Variants in IL1R1 observed in about 807,000 individuals in gnomAD.
IL1R1 encodes the protein interleukin-1 receptor type 1.
Under a neutral mutation model 50.2 loss-of-function variants are expected in IL1R1, and 22 were observed. That is an observed-to-expected ratio of 0.44 (90% confidence interval 0.31 to 0.63). IL1R1 has a LOEUF of 0.63. Among genes scored for constraint, IL1R1 ranks in the 20% least tolerant of loss-of-function variants. The pLI is 0.07. For synonymous variants in IL1R1, 251 were observed against 236.7 expected, an observed-to-expected ratio of 1.06 and a Z score of -0.55; for missense variants, 509 against 676.2, an observed-to-expected ratio of 0.75 and a Z score of 2.74.
At position 102,178,666 on chromosome 2, in the gene IL1R1, G is replaced by T. The variant is rs200508603; in HGVS notation, c.*1907G>T. 6.6e-6 allele frequency: 1 copy of T among 152,356 alleles called. No homozygotes were observed. Among genetic ancestry groups the T allele is most frequent in the Middle Eastern group, 3.4e-3 (1 of 294 alleles). The allele number at this position is 152,356 out of a possible 1,614,324, so 9.4% of individuals were successfully genotyped here. A position where few individuals can be genotyped will look rare whatever the true frequency, so the allele number is the denominator to read the frequency against. ...CGAGTCTAGGAATGCTTTTATTCAAGACACCAAATTCCAAACTTCTAAATG... is the reference window on the plus strand; with the variant it reads ...CGAGTCTAGGAATGCTTTTATTCAATACACCAAATTCCAAACTTCTAAATG... On this transcript the variant is annotated 3_prime_UTR_variant, in exon 12 of 12. Transcript: ENST00000410023.
intron 10 of IL1R1, 141 bp downstream of exon 10, chr2:102,174,871 A>C: frequency 4.9e-6 from 3 of 616,584 alleles, no homozygotes; most frequent in Non-Finnish European, 8.1e-6. Context: ...TTATTCTTAC[A>C]CAGAATTATA....
At chr2:102,129,674 G>A (rs887155973) in intron 1 of IL1R1, among the ~76,000 whole-genome samples, 7 of 152,202 alleles carry the variant, frequency 4.6e-5, no homozygotes, top group Admixed American at 1.3e-4. Flanking sequence ...AGCTGTTGAC[G>A]AGGGTGCCCC....
intron 1 of IL1R1, among the ~76,000 whole-genome samples, chr2:102,112,317 T>A (rs913844374): frequency 1.4e-5 from 2 of 146,592 alleles, no homozygotes; most frequent in African/African-American, 2.5e-5. Flanking sequence ...TTAACGTGTG[T>A]GTGTGTGTGT....
chr2:102,084,940 C>T (rs1049324544), intron 1 of IL1R1, among the ~76,000 whole-genome samples: 4 of 152,280 alleles, frequency 2.6e-5, no homozygotes, highest in East Asian at 3.9e-4. Flanking sequence ...AAGAGTGTCC[C>T]GCAATTTCAT....
intron 10 of IL1R1, among the ~76,000 whole-genome samples, chr2:102,174,934 C>T (rs770999116): frequency 3.3e-5 from 5 of 152,128 alleles, no homozygotes; most frequent in Non-Finnish European, 5.9e-5. Context: ...CCTGCCTCAA[C>T]ATTCATATTG....
chr2:102,176,716 C>T lies in IL1R1; in HGVS notation c.1667C>T (p.Thr556Ile). ...AAACACCAGTTACTGTCACCAGCCA[C>T]TAAGGAGAAACTGCAAAGAGAGGCT... ...SSKHQLLSPA[T>I]KEKLQREAHV... Residue 556 changes from threonine to isoleucine, a missense_variant, in exon 12 of 12, where the codon ACT (threonine) becomes ATT (isoleucine). Transcript: ENST00000410023. 2.5e-6 allele frequency: 4 copies of T among 1,614,166 alleles called. No individual in the cohort carries two copies. The highest frequency in any genetic ancestry group is 3.4e-6 in the Non-Finnish European group (4 of 1,180,040).
chr2:102,172,424 A>G (rs1685769796), intron 8 of IL1R1: 4 of 985,118 alleles, frequency 4.1e-6, no homozygotes, highest in South Asian at 4.7e-5. Context: ...GGAGAACACA[A>G]TGCATTTGTC....
intron 1 of IL1R1, among the ~76,000 whole-genome samples, chr2:102,105,451 G>A (rs1284686895): frequency 2.0e-5 from 3 of 152,056 alleles, no homozygotes; most frequent in Non-Finnish European, 2.9e-5. Context: ...TGCAACCTCC[G>A]CCTCCCAGGT....
intron 1 of IL1R1, among the ~76,000 whole-genome samples, chr2:102,097,044 G>T (rs779225637): frequency 8.5e-5 from 13 of 152,128 alleles, no homozygotes; most frequent in Admixed American, 2.6e-4. Context: ...TTACAATGAA[G>T]TTGCAAAGCT....
upstream of IL1R1, among the ~76,000 whole-genome samples, chr2:102,103,185 A>G (rs1268822000): frequency 6.6e-6 from 1 of 152,258 alleles, no homozygotes; most frequent in African/African-American, 2.4e-5. Flanking sequence ...TATATAATTT[A>G]AATTTCCTTG....
chr2:102,120,326 GTGTT>G (rs1304466223), intron 1 of IL1R1, among the ~76,000 whole-genome samples: 1 of 152,064 alleles, frequency 6.6e-6, no homozygotes, highest in Admixed American at 6.6e-5. Context: ...GTGAATGTAC[GTGTT>G]TGTTGTGTGT....
intron 1 of IL1R1, among the ~76,000 whole-genome samples, chr2:102,076,180 CTTTTT>C (rs66517619): frequency 8.7e-6 from 1 of 115,084 alleles, no homozygotes. Context: ...GCTTCGTATT[CTTTTT>C]TTTTTTTTTT....
chr2:102,140,816 T>A (rs1682604547), upstream of IL1R1, among the ~76,000 whole-genome samples: 1 of 152,120 alleles, frequency 6.6e-6, no homozygotes, highest in Non-Finnish European at 1.5e-5. Flanking sequence ...AGGTCCCAGA[T>A]AGAACAGTGG....
chr2:102,135,077 T>G (rs1028485807), intron 1 of IL1R1, among the ~76,000 whole-genome samples: 2 of 152,158 alleles, frequency 1.3e-5, no homozygotes, highest in Non-Finnish European at 2.9e-5. Flanking sequence ...CAAAAAGGAA[T>G]GACAAAAATG....
intron 1 of IL1R1, among the ~76,000 whole-genome samples, chr2:102,149,773 A>G (rs1683489788): frequency 6.6e-6 from 1 of 152,100 alleles, no homozygotes; most frequent in East Asian, 1.9e-4. Flanking sequence ...GCCCCTTCCA[A>G]TATGGAAGGG....
chr2:102,167,769 T>C (rs577289222), intron 6 of IL1R1, among the ~76,000 whole-genome samples: 2 of 152,208 alleles, frequency 1.3e-5, no homozygotes, highest in East Asian at 3.9e-4. Context: ...GTTTTTGATA[T>C]TCTCTGTTTC....
At chr2:102,096,952 C>T (rs1374720011) in intron 1 of IL1R1, among the ~76,000 whole-genome samples, 1 of 151,458 alleles carries the variant, frequency 6.6e-6, no homozygotes, top group East Asian at 1.9e-4. Context: ...GCCTGTTGTC[C>T]CAGAAGCTGT....
At chr2:102,175,121 GAAA>G (rs35411886) in intron 10 of IL1R1, among the ~76,000 whole-genome samples, 1 of 134,034 alleles carries the variant, frequency 7.5e-6, no homozygotes, top group Non-Finnish European at 1.6e-5. Flanking sequence ...TAAACTTTGC[GAAA>G]AAAAAAAAAG....
At chr2:102,083,449 C>A (rs1242812475) in intron 1 of IL1R1, among the ~76,000 whole-genome samples, 1 of 151,972 alleles carries the variant, frequency 6.6e-6, no homozygotes, top group Non-Finnish European at 1.5e-5. Context: ...CCTACTAGTT[C>A]TCTTTCATGA....
Sources: allele counts gnomAD v4.1 joint callset (sites outside exome capture counted in the v4.1 genomes callset), GRCh38; gene constraint gnomAD v4.1.1; transcripts MANE v1.5; gene names NCBI Gene and HGNC (gene_info 2026-07-23, HGNC 2026-07-21).